The following XCR1 variants were observed in gnomAD, a reference collection of about 807,000 sequenced individuals.
XCR1 encodes chemokine XC receptor 1.
For missense variants in XCR1, 356 were observed against 424.2 expected, an observed-to-expected ratio of 0.84 and a Z score of 1.41; for synonymous variants, 187 against 188.5, an observed-to-expected ratio of 0.99 and a Z score of 0.06.
chr3:46,030,826 C>T (rs1708381864), upstream of XCR1, among the ~76,000 whole-genome samples: 1 of 152,268 alleles, frequency 6.6e-6, no homozygotes, highest in Admixed American at 6.5e-5. Context: ...CATGGCCGGG[C>T]AGGACCTACT....
intron 5 of XCR1, among the ~76,000 whole-genome samples, chr3:46,039,381 T>A (rs769843282): frequency 6.6e-6 from 1 of 152,232 alleles, no homozygotes; most frequent in Non-Finnish European, 1.5e-5. Flanking sequence ...TTAGCCATAG[T>A]TCTGTCACTA....
intron 5 of XCR1, among the ~76,000 whole-genome samples, chr3:46,035,932 T>G (rs1208182803): frequency 6.6e-6 from 1 of 152,086 alleles, no homozygotes; most frequent in African/African-American, 2.4e-5. Flanking sequence ...TCCTAAGGAA[T>G]TTTTGTTTGC....
In XCR1 at chr3:46,020,840, T is replaced by C; in HGVS notation, c.*106A>G. On this transcript the variant is annotated 3_prime_UTR_variant, in exon 2 of 2. Transcript: ENST00000309285. ...CTGCACGCCTGCAGCGGAGGAGACG[T>C]CTCCACCCTGCTGTGTTCTGCAATG... 7.0e-7 allele frequency: 1 copy of C among 1,419,198 alleles called. No individual in the cohort carries two copies. Among genetic ancestry groups the C allele is most frequent in the Non-Finnish European group, 9.3e-7 (1 of 1,072,952 alleles). 87.9% of individuals were successfully genotyped at this position (1,419,198 alleles called of 1,614,324 possible).
At chr3:46,052,467 T>G (rs779507616) in intron 5 of XCR1, among the ~76,000 whole-genome samples, 2 of 152,194 alleles carry the variant, frequency 1.3e-5, no homozygotes, top group Non-Finnish European at 2.9e-5. Context: ...CCTGGTATTT[T>G]TTCCCCTGGG....
chr3:46,056,950 A>T (rs1231697453), intron 4 of XCR1, among the ~76,000 whole-genome samples: 3 of 152,326 alleles, frequency 2.0e-5, no homozygotes, highest in African/African-American at 7.2e-5. Flanking sequence ...AACTTAAAGC[A>T]GCCCTAGTGT....
Position 46,020,969 on chromosome 3 carries a change from A to G in XCR1, c.979T>C (p.Tyr327His). Reference protein sequence around the residue: ...SIPHSPGAFAYEGASFY With the variant: ...SIPHSPGAFAHEGASFY Reference sequence around the variant, plus strand: ...CCTCAGTAGAAGGAGGCGCCCTCATAGGCGAAGGCACCAGGGGAGTGGGGG... The same window carrying G: ...CCTCAGTAGAAGGAGGCGCCCTCATGGGCGAAGGCACCAGGGGAGTGGGGG... The change falls in exon 2 of 2, where the codon TAT becomes CAT. Residue 327 changes from tyrosine to histidine, a missense_variant. Tyr to His is a moderately conservative substitution (Grantham distance 83, BLOSUM62 2). Transcript: ENST00000309285. 5 of 1,612,494 alleles carry G rather than the reference A, an allele frequency of 3.1e-6. No homozygotes were observed. The highest frequency in any genetic ancestry group is 4.2e-6 in the Non-Finnish European group (5 of 1,179,238).
chr3:46,036,893 A>G (rs1209684796), intron 5 of XCR1, among the ~76,000 whole-genome samples: 1 of 152,224 alleles, frequency 6.6e-6, no homozygotes, highest in African/African-American at 2.4e-5. Flanking sequence ...GGAAATAAAT[A>G]ATGCATAAGT....
rs1034994241 is a variant in XCR1 at position 46,023,539 on chromosome 3, G to C, written c.-31-1561C>G. On this transcript the variant is annotated intron_variant, in intron 1 of 1. Coordinates refer to ENST00000309285, the MANE Select transcript of XCR1 (RefSeq NM_001024644.2). ...GAGATGGAAAAGGGCCCAGCGTGAGGAAAGATTGAAAGCCTAGCAGAACAC... is the reference window on the plus strand; with the variant it reads ...GAGATGGAAAAGGGCCCAGCGTGAGCAAAGATTGAAAGCCTAGCAGAACAC... The C allele has an allele frequency of 3.9e-6, 6 of 1,541,276 alleles. No individual in the cohort carries two copies. In the African/African-American group the frequency reaches 8.2e-5, roughly 21 times the overall value.
intron 1 of XCR1, among the ~76,000 whole-genome samples, chr3:46,081,160 A>G (rs766847786): frequency 1.3e-5 from 2 of 152,226 alleles, no homozygotes; most frequent in Non-Finnish European, 2.9e-5. Context: ...TGGTCAAGTA[A>G]TTCAATCCAT....
chr3:46,082,442 G>C (rs1196205694), intron 1 of XCR1, among the ~76,000 whole-genome samples: 2 of 146,566 alleles, frequency 1.4e-5, no homozygotes, highest in Non-Finnish European at 3.0e-5. Flanking sequence ...TATTCTCTTA[G>C]GATATATGTA....
chr3:46,027,940 T>G (rs1708329505), upstream of XCR1, among the ~76,000 whole-genome samples: 1 of 152,196 alleles, frequency 6.6e-6, no homozygotes, highest in Non-Finnish European at 1.5e-5. Context: ...GGCCAAGGTC[T>G]CAGTCCAAGC....
At chr3:46,054,895 G>C (rs898415926) in intron 4 of XCR1, among the ~76,000 whole-genome samples, 2 of 152,224 alleles carry the variant, frequency 1.3e-5, no homozygotes, top group African/African-American at 4.8e-5. Flanking sequence ...CACAGACACG[G>C]ATGATCAGTC....
rs540247017 is a variant in XCR1, at chr3:46,018,138, A to G, written c.*2808T>C. The G allele has an allele frequency of 9.8e-5, 15 of 152,296 alleles. No homozygotes were observed. The East Asian group carries it at 2.9e-3, about 29-fold the overall frequency. 9.4% of individuals were successfully genotyped at this position (152,296 alleles called of 1,614,324 possible). ...GGGAGCCAGTCTATTAGGGATGCCAAAACATCACTGGAAGTATAAAGAGTC... is the reference window on the plus strand; with the variant it reads ...GGGAGCCAGTCTATTAGGGATGCCAGAACATCACTGGAAGTATAAAGAGTC... On this transcript the variant is annotated 3_prime_UTR_variant, in exon 2 of 2. Transcript: ENST00000309285.
intron 5 of XCR1, among the ~76,000 whole-genome samples, chr3:46,053,336 G>A (rs1044809550): frequency 2.8e-5 from 4 of 145,080 alleles, no homozygotes; most frequent in Admixed American, 1.3e-4. Flanking sequence ...AAAAGCACGA[G>A]GTCCTAAGGG....
intron 4 of XCR1, among the ~76,000 whole-genome samples, chr3:46,066,475 C>A (rs1407867154): frequency 6.6e-6 from 1 of 152,172 alleles, no homozygotes; most frequent in East Asian, 1.9e-4. Context: ...AATCTCTTGA[C>A]CTCTTGATCC....
At chr3:46,045,815 T>C (rs1697614485) in intron 5 of XCR1, among the ~76,000 whole-genome samples, 1 of 152,176 alleles carries the variant, frequency 6.6e-6, no homozygotes. Flanking sequence ...TGGAGATTTC[T>C]TAAAGAACCA....
At chr3:46,076,027 T>C (rs1698254178) in intron 2 of XCR1, among the ~76,000 whole-genome samples, 1 of 152,118 alleles carries the variant, frequency 6.6e-6, no homozygotes, top group East Asian at 1.9e-4. Context: ...GCACGCACCA[T>C]ATGTGTTAGT....
chr3:46,056,064 T>C (rs565333234), intron 4 of XCR1, among the ~76,000 whole-genome samples: 3 of 152,218 alleles, frequency 2.0e-5, no homozygotes, highest in African/African-American at 7.2e-5. Flanking sequence ...GGGGTTGGGA[T>C]TGGTTGTTAA....
At chr3:46,075,308 CAAA>C (rs56787185) in intron 2 of XCR1, among the ~76,000 whole-genome samples, 2 of 61,650 alleles carry the variant, frequency 3.2e-5, no homozygotes, top group Non-Finnish European at 5.9e-5. Context: ...GCTCATAGAC[CAAA>C]AAAAAAAAAA....
Sources: allele counts gnomAD v4.1 joint callset (sites outside exome capture counted in the v4.1 genomes callset), GRCh38; gene constraint gnomAD v4.1.1; transcripts MANE v1.5; gene names NCBI Gene and HGNC (gene_info 2026-07-23, HGNC 2026-07-21).